The following ARMH3 variants were observed in gnomAD, a reference collection of about 807,000 sequenced individuals.
ARMH3 encodes armadillo like helical domain containing 3.
In ARMH3, 60 loss-of-function variants were observed where a neutral mutation model predicts 99.1. The ratio of observed to expected loss-of-function variants is 0.61; its 90% CI spans 0.49 to 0.75. The LOEUF (loss-of-function observed/expected upper bound fraction) is 0.75, where lower values mean the gene tolerates loss of function less well. ARMH3 is among the 30% of genes least tolerant of loss of function. The pLI, the probability that ARMH3 is intolerant of heterozygous loss-of-function variation, is 0.00. For synonymous variants in ARMH3, 285 were observed against 292.8 expected (o/e 0.97, Z 0.27); for missense variants, 679 against 843.1 (o/e 0.81, Z 2.41).
In ARMH3 at chr10:101,956,633, G is replaced by A. The variant is rs1409347423; in HGVS notation, c.1669C>T (p.Arg557Cys). Residue 557 changes from arginine (R) to cysteine (C), a missense_variant, in exon 22 of 26, where the codon CGC becomes TGC. By Grantham distance (180) the Arg-to-Cys change is radical. This residue lies in a region of ARMH3 where 389 missense variants were observed against 456.5 expected (regional missense o/e 0.85). Transcript: ENST00000370033. ...SYDELYYEII[R>C]MHQSFDNLYS... ...AGGTTGTCAAAGCTCTGGTGCATGC[G>A]GATAATCTCATAGTAAAGTTCATCA... 5.0e-6 allele frequency: 8 copies of A among 1,613,550 alleles called. No individual in the cohort carries two copies. Among genetic ancestry groups the A allele is most frequent in the Non-Finnish European group, 5.9e-6 (7 of 1,179,552 alleles).
chr10:101,877,987 G>T (rs556956353), intron 24 of ARMH3, among the ~76,000 whole-genome samples: 1 of 152,070 alleles, frequency 6.6e-6, no homozygotes, highest in African/African-American at 2.4e-5. Context: ...GCTGGGCACA[G>T]TGGCTCACAC....
At chr10:102,022,256 G>A (rs1337507368) in intron 8 of ARMH3, among the ~76,000 whole-genome samples, 6 of 151,740 alleles carry the variant, frequency 4.0e-5, no homozygotes, top group African/African-American at 1.5e-4. Context: ...CTAAACAGAT[G>A]AACTAGGTCA....
intron 20 of ARMH3, among the ~76,000 whole-genome samples, 157 bp downstream of exon 20, chr10:101,975,049 TAAAAAA>T (rs11399489): frequency 2.0e-4 from 6 of 29,668 alleles, no homozygotes; most frequent in Admixed American, 4.3e-4. Flanking sequence ...AGCTAAAACG[TAAAAAA>T]AAAAAAAAAA....
intron 24 of ARMH3, among the ~76,000 whole-genome samples, chr10:101,870,318 T>C (rs1325454122): frequency 6.6e-6 from 1 of 152,188 alleles, no homozygotes. Flanking sequence ...CAAGAACAAG[T>C]AGTAAACTGA....
chr10:101,932,969 G>C (rs569958247), intron 23 of ARMH3, among the ~76,000 whole-genome samples: 1 of 152,150 alleles, frequency 6.6e-6, no homozygotes, highest in African/African-American at 2.4e-5. Flanking sequence ...GGCGGATTAC[G>C]AGGTCAGGAG....
chr10:101,917,419 C>T (rs1564750032), intron 23 of ARMH3, among the ~76,000 whole-genome samples: 1 of 152,196 alleles, frequency 6.6e-6, no homozygotes, highest in Non-Finnish European at 1.5e-5. Context: ...CAGGTTGTTG[C>T]ATGTATCAGT....
At chr10:102,017,228 T>C (rs957520537) in intron 8 of ARMH3, among the ~76,000 whole-genome samples, 4 of 152,200 alleles carry the variant, frequency 2.6e-5, no homozygotes, top group Middle Eastern at 3.2e-3. Flanking sequence ...GTCAAAAACC[T>C]TCCTACTCCA....
chr10:101,878,818 C>T (rs1340273234), intron 24 of ARMH3, among the ~76,000 whole-genome samples: 1 of 151,578 alleles, frequency 6.6e-6, no homozygotes, highest in Non-Finnish European at 1.5e-5. Context: ...CAGAACAAGA[C>T]CTTGTCTCTA....
intron 2 of ARMH3, among the ~76,000 whole-genome samples, chr10:102,034,734 G>A (rs2067209110): frequency 6.6e-6 from 1 of 151,212 alleles, no homozygotes; most frequent in African/African-American, 2.4e-5. Context: ...ATTTTAAGCT[G>A]ACCTTTTAAA....
chr10:101,923,734 TATCCAAATGGTGA>T (rs778995794), intron 23 of ARMH3, among the ~76,000 whole-genome samples: 14 of 152,220 alleles, frequency 9.2e-5, no homozygotes, highest in Non-Finnish European at 7.3e-5. Flanking sequence ...TTTTTCAAAT[TATCCAAATGGTGA>T]ATCCCTCTGT....
intron 15 of ARMH3, among the ~76,000 whole-genome samples, chr10:101,995,956 C>T (rs138683216): frequency 4.2e-4 from 64 of 152,362 alleles, no homozygotes; most frequent in African/African-American, 1.4e-3. Flanking sequence ...GTGGCAGGCA[C>T]TGTGCAAGGC....
intron 20 of ARMH3, among the ~76,000 whole-genome samples, chr10:101,967,019 G>T (rs1845572680): frequency 6.6e-6 from 1 of 152,164 alleles, no homozygotes; most frequent in South Asian, 2.1e-4. Flanking sequence ...AAAGAATCAG[G>T]TCAGAGAAAG....
chr10:101,849,936 C>G (rs1276408188), intron 24 of ARMH3, 44 bp from the exon 25 acceptor site: 6 of 1,560,902 alleles, frequency 3.8e-6, no homozygotes, highest in Non-Finnish European at 4.4e-6. Flanking sequence ...CCATGCAAAT[C>G]CCACAACCCT....
intron 24 of ARMH3, among the ~76,000 whole-genome samples, chr10:101,875,788 C>G (rs1311888294): frequency 1.3e-5 from 2 of 152,182 alleles, no homozygotes; most frequent in Non-Finnish European, 2.9e-5. Flanking sequence ...CAGTCACCCC[C>G]ACCTCCCTGA....
At chr10:101,985,317 T>TAC (rs773726101) in intron 19 of ARMH3, among the ~76,000 whole-genome samples, 1 of 148,630 alleles carries the variant, frequency 6.7e-6, no homozygotes, top group Non-Finnish European at 1.5e-5. Flanking sequence ...TGTATATACA[T>TAC]ATATATATAC....
intron 25 of ARMH3, 87 bp from the exon 26 acceptor site, chr10:101,847,707 C>CCCGTGTAGCAGGCACTG: frequency 1.7e-6 from 2 of 1,189,476 alleles, no homozygotes; most frequent in Non-Finnish European, 2.5e-6. Context: ...AGGACAGTGC[C>CCCGTGTAGCAGGCACTG]TGCTACACGG....
intron 22 of ARMH3, among the ~76,000 whole-genome samples, chr10:101,949,134 A>G (rs1482485389): frequency 6.6e-5 from 10 of 152,032 alleles, no homozygotes; most frequent in Admixed American, 6.5e-4. Flanking sequence ...TTTATATTAG[A>G]AAAAAAGAAA....
intron 13 of ARMH3, among the ~76,000 whole-genome samples, chr10:102,007,755 C>T (rs1234727086): frequency 2.0e-5 from 3 of 149,300 alleles, no homozygotes. Context: ...ATGGCGTGAA[C>T]CCGGGAGGCA....
At chr10:101,916,942 A>C (rs1351630514) in intron 23 of ARMH3, among the ~76,000 whole-genome samples, 1 of 152,166 alleles carries the variant, frequency 6.6e-6, no homozygotes, top group Non-Finnish European at 1.5e-5. Context: ...TAGGACTTAC[A>C]CTAGTACCAC....
Sources: allele counts gnomAD v4.1 joint callset (sites outside exome capture counted in the v4.1 genomes callset), GRCh38; gene constraint gnomAD v4.1.1; regional missense constraint gnomAD v4.1.1; transcripts MANE v1.5; gene names NCBI Gene and HGNC (gene_info 2026-07-23, HGNC 2026-07-21).